The following SEC24C variants were observed in gnomAD, a reference collection of about 807,000 sequenced individuals.
The protein encoded by SEC24C is protein transport protein Sec24C.
In SEC24C, 22 loss-of-function variants were observed where a neutral mutation model predicts 117.0. The ratio of observed to expected loss-of-function variants is 0.19; its 90% CI spans 0.13 to 0.27. The LOEUF (loss-of-function observed/expected upper bound fraction) is 0.27, where lower values mean the gene tolerates loss of function less well. Among genes scored for constraint, SEC24C ranks in the 10% least tolerant of loss-of-function variants. SEC24C has a pLI of 1.00. For synonymous variants in SEC24C, 506 were observed against 529.4 expected (o/e 0.96, Z 0.61); for missense variants, 1,155 against 1,375.1 (o/e 0.84, Z 2.53).
intron 21 of SEC24C, 78 bp downstream of exon 21, chr10:73,770,549 T>C: frequency 2.6e-6 from 4 of 1,540,792 alleles, no homozygotes; most frequent in Non-Finnish European, 3.6e-6. Flanking sequence ...ATAGTTAGTG[T>C]GCTAGTACCC....
intron 6 of SEC24C, among the ~76,000 whole-genome samples, chr10:73,762,646 G>A (rs3781216): frequency 0.14 from 20,880 of 152,232 alleles, 1,498 homozygotes; most frequent in South Asian, 0.19. Context: ...AAGTGTGGGT[G>A]CTTTCTCATC....
intron 6 of SEC24C, among the ~76,000 whole-genome samples, chr10:73,762,864 G>C (rs1386511609): frequency 1.3e-5 from 2 of 152,134 alleles, no homozygotes; most frequent in Non-Finnish European, 2.9e-5. Flanking sequence ...GGAGGACTGA[G>C]GATTGAGCTA....
chr10:73,763,526 A>ACAGAGC lies in SEC24C; in HGVS notation c.1027_1032dup (p.Glu343_Pro344dup). 1 of 1,613,886 alleles carries ACAGAGC rather than the reference A, an allele frequency of 6.2e-7. No homozygotes were observed. Among genetic ancestry groups the ACAGAGC allele is most frequent in the Non-Finnish European group, 8.5e-7 (1 of 1,179,808 alleles). On this transcript the variant is annotated inframe_insertion, in exon 7 of 23. Transcript: ENST00000345254. ...TGAAGATGACAGGAACAACCGGGGT[A>ACAGAGC]CAGAGCCATTTGTTACTGGAGTACG...
chr10:73,761,961 T>C (rs1422343842), intron 6 of SEC24C: 1 of 470,790 alleles, frequency 2.1e-6, no homozygotes, highest in Non-Finnish European at 3.8e-6. Flanking sequence ...TAGAGGGGGC[T>C]TGATTTCAGC....
intron 3 of SEC24C, among the ~76,000 whole-genome samples, chr10:73,757,087 T>A (rs956683306): frequency 6.7e-6 from 1 of 149,072 alleles, no homozygotes; most frequent in African/African-American, 2.5e-5. Flanking sequence ...AATTTTTGTA[T>A]TTTTTTAGTA....
At chr10:73,753,258 G>T (rs945674426) in intron 3 of SEC24C, among the ~76,000 whole-genome samples, 1 of 152,134 alleles carries the variant, frequency 6.6e-6, no homozygotes, top group Non-Finnish European at 1.5e-5. Flanking sequence ...CGCCATGTTG[G>T]ACAGGCTGGT....
Position 73,763,935 on chromosome 10 carries a change from G to A in SEC24C, c.1179G>A (p.Val393=). Residue 393 remains valine, a synonymous_variant, in exon 8 of 23, where the codon GTG becomes GTA. Coordinates refer to ENST00000345254, the MANE Select transcript of SEC24C (RefSeq NM_198597.3). ...CTSDMAKQAQ[V]PLAAVIKPLA... is the part of the protein sequence containing the mutation. ...CTGACATGGCTAAGCAGGCTCAGGT[G>A]CCCCTGGCAGCAGTCATCAAACCGC... is the stretch of plus-strand genomic sequence containing the variant. 1.9e-6 allele frequency: 3 copies of A among 1,609,898 alleles called. No homozygotes were observed. The highest frequency in any genetic ancestry group is 1.1e-5 in the South Asian group (1 of 90,234).
chr10:73,746,526 G>C lies in SEC24C; in HGVS notation c.-28-279G>C, dbSNP rs771462021. On this transcript the variant is annotated intron_variant, in intron 1 of 22. Transcript: ENST00000345254. The stretch of plus-strand genomic sequence containing the variant: ...CTAGAAATCATACCACTGGGGAATG[G>C]AGGCTGCTGCTCCATTTCAGTGGAT... 3.7e-4 allele frequency: 86 copies of C among 233,862 alleles called. No homozygotes were observed. In the Middle Eastern group the frequency reaches 4.1e-3, roughly 11 times the overall value. The allele number at this position is 233,862 out of a possible 1,614,324, so 14.5% of individuals were successfully genotyped here.
At chr10:73,749,539 C>CT (rs1163386772) in intron 2 of SEC24C, among the ~76,000 whole-genome samples, 2,178 of 139,312 alleles carry the variant, frequency 0.016, 38 homozygotes, top group African/African-American at 0.043. Flanking sequence ...TTTTCTTTTT[C>CT]TTTTTTTTTT....
intron 3 of SEC24C, among the ~76,000 whole-genome samples, chr10:73,757,935 A>C (rs1190940325): frequency 1.3e-5 from 2 of 148,604 alleles, no homozygotes; most frequent in Non-Finnish European, 1.5e-5. Context: ...AAAAAAAAAA[A>C]AAAAAAAAAA....
intron 9 of SEC24C, 55 bp from the exon 10 acceptor site, chr10:73,765,745 G>A (rs755284674): frequency 3.8e-5 from 60 of 1,577,906 alleles, no homozygotes; most frequent in Non-Finnish European, 5.1e-5. Context: ...GCTAGGGCCA[G>A]AATACTAAGA....
At chr10:73,746,624 T>C (rs2082557344) in intron 1 of SEC24C, 181 bp from the exon 2 acceptor site, 1 of 467,506 alleles carries the variant, frequency 2.1e-6, no homozygotes, top group African/African-American at 2.0e-5. Context: ...AAATCCTTGC[T>C]TTTAGGAGAT....
intron 1 of SEC24C, among the ~76,000 whole-genome samples, chr10:73,745,184 A>G (rs1388238956): frequency 1.3e-5 from 2 of 152,108 alleles, no homozygotes; most frequent in Non-Finnish European, 2.9e-5. Flanking sequence ...TCTACAGGAT[A>G]ATTGGAATGA....
rs149172245 is a variant in SEC24C at position 73,767,059 on chromosome 10, T to G, written c.1899T>G (p.Ala633=). ...IQAGMEALKA[A]ECAGKLFLFH... is the part of the protein sequence containing the mutation. ...AGTCCTCTCTTTTTTCCTAGGCTGC[T>G]GAGTGTGCAGGGAAGCTCTTTCTAT... The change falls in exon 14 of 23, where the codon GCT becomes GCG. Residue 633 remains alanine, a synonymous_variant. Transcript: ENST00000345254. 6.2e-7 allele frequency: 1 copy of G among 1,612,246 alleles called. No homozygotes were observed. Among genetic ancestry groups the G allele is most frequent in the Non-Finnish European group, 8.5e-7 (1 of 1,178,656 alleles).
chr10:73,747,050 CAG>C (rs759044735), intron 2 of SEC24C, 46 bp downstream of exon 2: 104 of 1,564,604 alleles, frequency 6.6e-5, no homozygotes, highest in Non-Finnish European at 9.0e-5. Context: ...GGGAAATCAG[CAG>C]AGTCTTCAGG....
rs1378621416 is a variant in SEC24C at position 73,759,980 on chromosome 10, G to T, written c.482-38G>T. 4.6e-6 allele frequency: 7 copies of T among 1,527,486 alleles called. No individual in the cohort carries two copies. The South Asian group carries it at 7.7e-5, about 17-fold the overall frequency. The allele number at this position is 1,527,486 out of a possible 1,614,324, so 94.6% of individuals were successfully genotyped here. ...GATATACCGAACAAGGAGGCAGAAT[G>T]ACTGGGCTTTTGACTCTACCTTTAT... On this transcript the variant is annotated intron_variant, in intron 4 of 22. Transcript: ENST00000345254.
intron 8 of SEC24C, 72 bp from the exon 9 acceptor site, chr10:73,765,378 GT>G: frequency 6.5e-7 from 1 of 1,549,254 alleles, no homozygotes; most frequent in East Asian, 2.3e-5. Flanking sequence ...TCCTCCGGTT[GT>G]TCTTCCTCAT....
intron 3 of SEC24C, among the ~76,000 whole-genome samples, chr10:73,758,976 C>T (rs150042096): frequency 9.9e-5 from 15 of 152,192 alleles, no homozygotes; most frequent in African/African-American, 2.9e-4. Context: ...CGGGCAGATT[C>T]GTTGAGCTCA....
At chr10:73,745,233 TG>T (rs1285319744) in intron 1 of SEC24C, among the ~76,000 whole-genome samples, 18 of 152,144 alleles carry the variant, frequency 1.2e-4, no homozygotes, top group Admixed American at 1.2e-3. Flanking sequence ...ATAGTTTTCT[TG>T]GAAGGACCCT....
Sources: gnomAD v4.1 joint callset for allele counts (sites outside exome capture counted in the v4.1 genomes callset) on GRCh38, gnomAD v4.1.1 for gene constraint, MANE v1.5 for transcripts, NCBI Gene and HGNC (gene_info 2026-07-23, HGNC 2026-07-21) for gene names.